TMEFF1: variants seen among roughly 807,000 people sequenced by gnomAD.
TMEFF1 encodes the protein tomoregulin-1.
Under a neutral mutation model 47.5 loss-of-function variants are expected in TMEFF1, and 20 were observed. The ratio of observed to expected loss-of-function variants is 0.42; its 90% CI spans 0.30 to 0.61. The LOEUF (loss-of-function observed/expected upper bound fraction) is 0.61, where lower values mean the gene tolerates loss of function less well. Ranked by LOEUF, TMEFF1 falls within the 20% of genes least tolerant of loss-of-function variation. The pLI, the probability that TMEFF1 is intolerant of heterozygous loss-of-function variation, is 0.19. For synonymous variants in TMEFF1, 162 were observed against 166.3 expected, an observed-to-expected ratio of 0.97 and a Z score of 0.20; for missense variants, 411 against 471.1, an observed-to-expected ratio of 0.87 and a Z score of 1.18.
rs371171644 is a variant in TMEFF1 at position 100,503,836 on chromosome 9, A to G, written c.306+4962A>G. The stretch of plus-strand genomic sequence containing the variant: ...TGGGGAGGGCAGTCTGCTTTACTTG[A>G]TCCACTGATGCAAATATTAATCTCA... On this transcript the variant is annotated intron_variant, in intron 2 of 9. Transcript: ENST00000374879. 3.3e-5 allele frequency among the ~76,000 whole-genome samples: 5 copies of G among 152,316 alleles called. No individual in the cohort carries two copies. In the East Asian group the frequency reaches 9.6e-4, roughly 29 times the overall value.
chr9:100,574,959 G>T (rs1839319036), intron 9 of TMEFF1, among the ~76,000 whole-genome samples: 1 of 152,156 alleles, frequency 6.6e-6, no homozygotes, highest in Admixed American at 6.5e-5. Context: ...ACATCACAGT[G>T]TATTTCTAAC....
At chr9:100,569,316 T>C (rs1017940345) in intron 8 of TMEFF1, among the ~76,000 whole-genome samples, 1 of 152,220 alleles carries the variant, frequency 6.6e-6, no homozygotes, top group Non-Finnish European at 1.5e-5. Flanking sequence ...TTGAGCATCT[T>C]TTCATGTGCT....
In TMEFF1 at chr9:100,548,050, G is replaced by T. The variant is rs558108450; in HGVS notation, c.709+158G>T. On this transcript the variant is annotated intron_variant, in intron 6 of 9. Coordinates refer to ENST00000374879, the MANE Select transcript of TMEFF1 (RefSeq NM_003692.5). The stretch of plus-strand genomic sequence containing the variant: ...TTTCAGATTTTTTATTACTAATTTA[G>T]TTTTTTTTCATTATTTTCATCTTCT... Among the ~76,000 whole-genome samples, 751 of 151,272 alleles carry T rather than the reference G, an allele frequency of 5.0e-3. 4 individuals are homozygous for T. The highest frequency in any genetic ancestry group is 7.0e-3 in the Non-Finnish European group (477 of 67,728).
intron 3 of TMEFF1, among the ~76,000 whole-genome samples, chr9:100,511,002 T>G (rs1048926429): frequency 6.6e-6 from 1 of 152,132 alleles, no homozygotes; most frequent in East Asian, 1.9e-4. Context: ...AATATCCTTC[T>G]ATCAGGTATG....
At chr9:100,487,401 C>T (rs1837469591) in intron 1 of TMEFF1, among the ~76,000 whole-genome samples, 1 of 152,174 alleles carries the variant, frequency 6.6e-6, no homozygotes, top group African/African-American at 2.4e-5. Flanking sequence ...TCCCTGGCCT[C>T]AGGTGATCTG....
intron 5 of TMEFF1, among the ~76,000 whole-genome samples, chr9:100,519,799 A>G (rs2118399798): frequency 6.6e-6 from 1 of 152,154 alleles, no homozygotes; most frequent in South Asian, 2.1e-4. Flanking sequence ...GCTGGCATCT[A>G]GAAATCAAAT....
chr9:100,518,505 C>T, intron 5 of TMEFF1: 1 of 985,256 alleles, frequency 1.0e-6, no homozygotes, highest in Non-Finnish European at 1.2e-6. Context: ...TACCAGCAGG[C>T]TAAGGAGCAC....
intron 2 of TMEFF1, among the ~76,000 whole-genome samples, chr9:100,502,450 C>T (rs1433301818): frequency 6.6e-6 from 1 of 152,026 alleles, no homozygotes; most frequent in African/African-American, 2.4e-5. Context: ...GCCTTGACCT[C>T]CTGGGCTCAA....
At chr9:100,531,935 C>T (rs1402069790) in intron 5 of TMEFF1, among the ~76,000 whole-genome samples, 15 of 149,968 alleles carry the variant, frequency 1.0e-4, no homozygotes, top group South Asian at 4.3e-4. Context: ...GAAATAACGC[C>T]GCATATCTAC....
At chr9:100,483,267 C>G (rs1045718847) in intron 1 of TMEFF1, among the ~76,000 whole-genome samples, 1 of 152,102 alleles carries the variant, frequency 6.6e-6, no homozygotes, top group African/African-American at 2.4e-5. Context: ...GAGCCCGAGG[C>G]GGGTGGATCA....
intron 8 of TMEFF1, among the ~76,000 whole-genome samples, chr9:100,563,066 T>G (rs1839052304): frequency 6.6e-6 from 1 of 152,214 alleles, no homozygotes; most frequent in Non-Finnish European, 1.5e-5. Flanking sequence ...TCCGCCCGCC[T>G]TGGCCTCCCA....
chr9:100,513,266 C>G, intron 3 of TMEFF1, 41 bp from the exon 4 acceptor site: 1 of 1,569,400 alleles, frequency 6.4e-7, no homozygotes, highest in African/African-American at 1.4e-5. Context: ...ATGAAATTTC[C>G]GGGAAAAATG....
At chr9:100,478,670 A>G (rs1837280903) in intron 1 of TMEFF1, among the ~76,000 whole-genome samples, 1 of 152,206 alleles carries the variant, frequency 6.6e-6, no homozygotes, top group Admixed American at 6.5e-5. Context: ...CTTAACAGAA[A>G]GTTCCCAGTT....
intron 5 of TMEFF1, among the ~76,000 whole-genome samples, chr9:100,529,933 A>G (rs1838343662): frequency 1.3e-5 from 2 of 152,228 alleles, no homozygotes; most frequent in Admixed American, 1.3e-4. Context: ...CTCAGGATTA[A>G]GAATCTCACT....
rs1310885034 is a variant in TMEFF1, at chr9:100,542,252, T to C, written c.561-5492T>C. Among the ~76,000 whole-genome samples, 3 of 152,308 alleles carry C rather than the reference T, an allele frequency of 2.0e-5. No homozygotes were observed. In the East Asian group the frequency reaches 5.8e-4, roughly 29 times the overall value. Reference sequence around the variant, plus strand: ...AATGTCACTGTTCTCCTTAAACACTTGAATTTCAATTCCTCCAAACTTGTG... The same window carrying C: ...AATGTCACTGTTCTCCTTAAACACTCGAATTTCAATTCCTCCAAACTTGTG... On this transcript the variant is annotated intron_variant, in intron 5 of 9. Transcript: ENST00000374879.
intron 5 of TMEFF1, among the ~76,000 whole-genome samples, chr9:100,525,231 C>T (rs544832346): frequency 2.2e-4 from 34 of 152,238 alleles, no homozygotes; most frequent in African/African-American, 8.2e-4. Context: ...TAAATTCTGA[C>T]AGTAACTACT....
At chr9:100,498,923 A>G (rs1837708639) in intron 2 of TMEFF1, 49 bp downstream of exon 2, 3 of 1,566,312 alleles carry the variant, frequency 1.9e-6, no homozygotes, top group Non-Finnish European at 2.6e-6. Flanking sequence ...TTCGTATTTT[A>G]TAATTCTAAA....
At chr9:100,576,108 C>T (rs1439538910) in intron 9 of TMEFF1, among the ~76,000 whole-genome samples, 1 of 152,048 alleles carries the variant, frequency 6.6e-6, no homozygotes, top group African/African-American at 2.4e-5. Flanking sequence ...TTAGAGCTGT[C>T]TTCTCATAAT....
chr9:100,509,238 T>G (rs1837916757), intron 3 of TMEFF1, 104 bp downstream of exon 3: 3 of 1,335,298 alleles, frequency 2.2e-6, no homozygotes, highest in Non-Finnish European at 2.9e-6. Flanking sequence ...CTGTGTGGAT[T>G]GGTGGTGGTT....
Sources: gnomAD v4.1 joint callset for allele counts (sites outside exome capture counted in the v4.1 genomes callset) on GRCh38, gnomAD v4.1.1 for gene constraint, MANE v1.5 for transcripts, NCBI Gene and HGNC (gene_info 2026-07-23, HGNC 2026-07-21) for gene names.